RBMS1: variants seen among roughly 807,000 people sequenced by gnomAD.
RBMS1 encodes the protein RNA binding motif single stranded interacting protein 1, also known as RNA-binding motif, single-stranded-interacting protein 1.
Under a neutral mutation model 62.3 loss-of-function variants are expected in RBMS1, and 17 were observed. That is an observed-to-expected ratio of 0.27 (90% confidence interval 0.19 to 0.41). The LOEUF (loss-of-function observed/expected upper bound fraction) is 0.41. Ranked by LOEUF, RBMS1 falls within the 10% of genes least tolerant of loss-of-function variation. The pLI is 1.00. For synonymous variants in RBMS1, 172 were observed against 170.0 expected (o/e 1.01, Z -0.09); for missense variants, 334 against 504.5 (o/e 0.66, Z 3.24).
At chr2:160,305,083 G>C (rs1689429960) in intron 4 of RBMS1, among the ~76,000 whole-genome samples, 1 of 152,194 alleles carries the variant, frequency 6.6e-6, no homozygotes, top group Non-Finnish European at 1.5e-5. Context: ...TCGATCTCTT[G>C]ACCTTGTGAT....
intron 13 of RBMS1, chr2:160,275,344 T>G: frequency 8.3e-6 from 2 of 240,000 alleles, no homozygotes; most frequent in Non-Finnish European, 1.5e-5. Flanking sequence ...TATAGAACAA[T>G]TTTGGTTCTT....
At chr2:160,342,341 T>TA (rs1430911462) in intron 2 of RBMS1, among the ~76,000 whole-genome samples, 1 of 152,134 alleles carries the variant, frequency 6.6e-6, no homozygotes, top group African/African-American at 2.4e-5. Context: ...GTGGACTATT[T>TA]AGAGTATTTA....
At chr2:160,283,691 A>G (rs1688221906) in intron 9 of RBMS1, 3 of 152,192 alleles carry the variant, frequency 2.0e-5, no homozygotes, top group African/African-American at 7.2e-5. Context: ...ATATACTCTT[A>G]TTATCAGCCA....
chr2:160,284,587 C>A, intron 9 of RBMS1, 188 bp downstream of exon 9: 1 of 581,182 alleles, frequency 1.7e-6, no homozygotes, highest in Non-Finnish European at 3.1e-6. Flanking sequence ...TTTTCCTTTG[C>A]TTTACATTCT....
chr2:160,282,485 G>A (rs1427292840), intron 9 of RBMS1: 1 of 387,602 alleles, frequency 2.6e-6, no homozygotes, highest in Non-Finnish European at 5.0e-6. Flanking sequence ...GGCCCTCACT[G>A]GATATATGAT....
At chr2:160,406,279 C>A (rs1695701705) in intron 1 of RBMS1, among the ~76,000 whole-genome samples, 2 of 152,146 alleles carry the variant, frequency 1.3e-5, no homozygotes, top group Admixed American at 1.3e-4. Flanking sequence ...AAAATACTTG[C>A]AAATACACTT....
At chr2:160,471,037 G>A (rs536279071) in intron 1 of RBMS1, among the ~76,000 whole-genome samples, 1 of 152,226 alleles carries the variant, frequency 6.6e-6, no homozygotes, top group Non-Finnish European at 1.5e-5. Flanking sequence ...ATAAGCTGTG[G>A]GAAAAGTGGG....
chr2:160,300,548 A>G, intron 6 of RBMS1, 103 bp downstream of exon 6: 1 of 1,371,700 alleles, frequency 7.3e-7, no homozygotes, highest in Non-Finnish European at 9.5e-7. Context: ...CATCTTAAAG[A>G]GTGAAATGAG....
At chr2:160,426,220 AGAAAGAAAG>A (rs1361474727) in intron 1 of RBMS1, among the ~76,000 whole-genome samples, 4 of 58,046 alleles carry the variant, frequency 6.9e-5, no homozygotes, top group African/African-American at 3.0e-4. Context: ...GAGAGACAGA[AGAAAGAAAG>A]AAAGAAAGAA....
intron 1 of RBMS1, among the ~76,000 whole-genome samples, chr2:160,442,519 G>C (rs1487704716): frequency 2.6e-5 from 4 of 152,120 alleles, no homozygotes; most frequent in African/African-American, 7.2e-5. Context: ...AGTAGAACTA[G>C]CCATCCCAAT....
chr2:160,280,306 T>C lies in RBMS1; in HGVS notation c.951+1008A>G, dbSNP rs1046820628. Among the ~76,000 whole-genome samples, 5 of 152,194 alleles carry C rather than the reference T, an allele frequency of 3.3e-5. No individual in the cohort carries two copies. The South Asian group carries it at 1.0e-3, about 31-fold the overall frequency. ...ATGTGCACATGTATAGATCTATATG[T>C]ATGTGTATATATCACACAAAACGTA... is the stretch of plus-strand genomic sequence containing the variant. On this transcript the variant is annotated intron_variant, in intron 10 of 13. Transcript: ENST00000348849.
rs756811005 is a variant in RBMS1 at position 160,484,870 on chromosome 2, C to CA, written c.75+8418dup. On this transcript the variant is annotated intron_variant, in intron 1 of 13. Transcript: ENST00000348849. ...TGGGCGACAGAGCAAGACTCCGTCT[C>CA]AAAAAAAAAAAAAAATTTACGAAGC... Among the ~76,000 whole-genome samples the CA allele has an allele frequency of 0.017, 2,248 of 129,314 alleles. 169 individuals are homozygous for CA. In the East Asian group the frequency reaches 0.22, roughly 13 times the overall value. 84.8% of individuals were successfully genotyped at this position (129,314 alleles called of 152,430 possible). A position where few individuals can be genotyped will look rare whatever the true frequency, so the allele number is the denominator to read the frequency against.
intron 1 of RBMS1, among the ~76,000 whole-genome samples, chr2:160,382,107 G>A (rs964894037): frequency 4.6e-5 from 7 of 152,178 alleles, no homozygotes; most frequent in Admixed American, 3.3e-4. Flanking sequence ...GTTTGGTGAA[G>A]GAACATAGAT....
intron 5 of RBMS1, 46 bp downstream of exon 5, chr2:160,303,284 C>A: frequency 6.7e-7 from 1 of 1,497,146 alleles, no homozygotes; most frequent in Non-Finnish European, 8.9e-7. Flanking sequence ...GATAACTTGG[C>A]AAAGCTATTG....
At chr2:160,438,801 G>A (rs1015963405) in intron 1 of RBMS1, among the ~76,000 whole-genome samples, 4 of 152,118 alleles carry the variant, frequency 2.6e-5, no homozygotes, top group African/African-American at 4.8e-5. Context: ...GGTGGTGGCC[G>A]GGCAGAGGGG....
At chr2:160,450,578 A>C (rs1164631504) in intron 1 of RBMS1, among the ~76,000 whole-genome samples, 3 of 149,366 alleles carry the variant, frequency 2.0e-5, no homozygotes, top group Non-Finnish European at 4.5e-5. Context: ...AAAAAAAAAA[A>C]ACAAAAAACA....
intron 1 of RBMS1, among the ~76,000 whole-genome samples, chr2:160,410,423 A>G (rs1231317087): frequency 6.6e-6 from 1 of 152,148 alleles, no homozygotes; most frequent in African/African-American, 2.4e-5. Flanking sequence ...GTAAAGCATT[A>G]CAAAGAGATA....
chr2:160,368,242 G>C (rs1337017573), intron 1 of RBMS1, among the ~76,000 whole-genome samples: 1 of 152,164 alleles, frequency 6.6e-6, no homozygotes, highest in Non-Finnish European at 1.5e-5. Flanking sequence ...GTAACCCCAA[G>C]TGTCCTCACA....
At chr2:160,417,935 G>A (rs1252266078) in intron 1 of RBMS1, among the ~76,000 whole-genome samples, 3 of 152,148 alleles carry the variant, frequency 2.0e-5, no homozygotes, top group East Asian at 1.9e-4. Context: ...CAGTCTGCAC[G>A]CATCAGAATG....
Sources: allele counts gnomAD v4.1 joint callset (sites outside exome capture counted in the v4.1 genomes callset), GRCh38; gene constraint gnomAD v4.1.1; transcripts MANE v1.5; gene names NCBI Gene and HGNC (gene_info 2026-07-23, HGNC 2026-07-21).